PPP1R9A: variants seen among roughly 807,000 people sequenced by gnomAD.
The protein encoded by PPP1R9A is neurabin-1.
Under a neutral mutation model 141.9 loss-of-function variants are expected in PPP1R9A, and 59 were observed. The observed-to-expected ratio is 0.42, with a 90% CI of 0.34 to 0.52. The LOEUF (loss-of-function observed/expected upper bound fraction) is 0.52, where lower values mean the gene tolerates loss of function less well. Among genes scored for constraint, PPP1R9A ranks in the 20% least tolerant of loss-of-function variants. PPP1R9A has a pLI of 0.10. For synonymous variants in PPP1R9A, 500 were observed against 569.7 expected, an observed-to-expected ratio of 0.88 and a Z score of 1.74; for missense variants, 1,444 against 1,611.9, an observed-to-expected ratio of 0.90 and a Z score of 1.78.
At chr7:95,226,826 A>G (rs1032738136) in intron 8 of PPP1R9A, among the ~76,000 whole-genome samples, 2 of 152,194 alleles carry the variant, frequency 1.3e-5, no homozygotes, top group African/African-American at 4.8e-5. Flanking sequence ...AGGGCCAAGA[A>G]TAGAACCTTG....
intron 5 of PPP1R9A, among the ~76,000 whole-genome samples, chr7:95,188,949 G>T (rs888243757): frequency 6.6e-6 from 1 of 151,992 alleles, no homozygotes; most frequent in Non-Finnish European, 1.5e-5. Context: ...TGCATTTCAA[G>T]GGTTTGTTTC....
chr7:94,925,189 C>G (rs1223380853), intron 2 of PPP1R9A, among the ~76,000 whole-genome samples: 1 of 152,074 alleles, frequency 6.6e-6, no homozygotes, highest in East Asian at 1.9e-4. Flanking sequence ...AGTATAAAAG[C>G]CTTTTGCTGG....
chr7:95,109,524 A>G (rs1414227666), intron 2 of PPP1R9A, among the ~76,000 whole-genome samples: 1 of 152,198 alleles, frequency 6.6e-6, no homozygotes, highest in Non-Finnish European at 1.5e-5. Flanking sequence ...TGTCTAAGAG[A>G]AAGTTGTAAG....
intron 2 of PPP1R9A, among the ~76,000 whole-genome samples, chr7:95,086,816 A>T (rs981500156): frequency 2.6e-5 from 4 of 152,062 alleles, no homozygotes; most frequent in Admixed American, 1.3e-4. Context: ...GATAGTGAAC[A>T]TAACTTATAA....
rs181275786 is a variant in PPP1R9A at position 94,956,828 on chromosome 7, T to G, written c.1395+45320T>G. Among the ~76,000 whole-genome samples the G allele has an allele frequency of 3.0e-3, 462 of 152,254 alleles. 4 individuals are homozygous for G. Among genetic ancestry groups the G allele is most frequent in the Non-Finnish European group, 3.2e-3 (218 of 68,004 alleles). ...CCATAGTGCATAGTCAGTCTTCCAT[T>G]AATGTTTTGAATAGAAATCAACCAG... On this transcript the variant is annotated intron_variant, in intron 2 of 19. Transcript: ENST00000433360.
intron 2 of PPP1R9A, among the ~76,000 whole-genome samples, chr7:95,088,449 G>A (rs1028937801): frequency 2.6e-5 from 4 of 151,866 alleles, no homozygotes; most frequent in African/African-American, 9.7e-5. Context: ...CATGGCACTG[G>A]GAAAACCACC....
chr7:95,086,021 A>T lies in PPP1R9A; in HGVS notation c.1396-25238A>T, dbSNP rs1028897615. ...TTTAATGTGTTTTTTTTCTTTTTTT[A>T]AATTTATTTTATTTTATGTAAGTAA... On this transcript the variant is annotated intron_variant, in intron 2 of 19. Transcript: ENST00000433360. Among the ~76,000 whole-genome samples the T allele has an allele frequency of 1.1e-4, 17 of 151,346 alleles. 1 individual carries two copies. The highest frequency in any genetic ancestry group is 2.1e-4 in the Non-Finnish European group (14 of 67,876).
At chr7:94,908,751 A>G (rs1791109094) in intron 1 of PPP1R9A, among the ~76,000 whole-genome samples, 1 of 152,056 alleles carries the variant, frequency 6.6e-6, no homozygotes, top group Admixed American at 6.5e-5. Context: ...CTTTAAAAAG[A>G]ATGGTCAGGG....
At chr7:94,967,281 T>G (rs1798325361) in intron 2 of PPP1R9A, among the ~76,000 whole-genome samples, 1 of 151,916 alleles carries the variant, frequency 6.6e-6, no homozygotes, top group Non-Finnish European at 1.5e-5. Flanking sequence ...ATTCATTGAT[T>G]TTTTTTTGAA....
At chr7:95,001,167 G>A (rs1802864513) in intron 2 of PPP1R9A, among the ~76,000 whole-genome samples, 1 of 152,124 alleles carries the variant, frequency 6.6e-6, no homozygotes, top group African/African-American at 2.4e-5. Context: ...GACCTGTATT[G>A]TTTGGATTTG....
At chr7:95,004,644 T>A (rs1345745930) in intron 2 of PPP1R9A, among the ~76,000 whole-genome samples, 1 of 152,212 alleles carries the variant, frequency 6.6e-6, no homozygotes, top group African/African-American at 2.4e-5. Context: ...AGAGTACTCA[T>A]GCATAGAATA....
At chr7:94,988,783 ATATACT>A (rs760448434) in intron 2 of PPP1R9A, among the ~76,000 whole-genome samples, 160 of 152,196 alleles carry the variant, frequency 1.1e-3, no homozygotes, top group African/African-American at 3.3e-3. Flanking sequence ...ATACATATAC[ATATACT>A]TATACTGTTT....
chr7:95,212,518 G>A (rs1292343004), intron 7 of PPP1R9A, among the ~76,000 whole-genome samples: 1 of 152,092 alleles, frequency 6.6e-6, no homozygotes, highest in Non-Finnish European at 1.5e-5. Flanking sequence ...TTATTTGTAT[G>A]AGCCCTACAG....
At chr7:94,916,944 A>T (rs994496796) in intron 2 of PPP1R9A, among the ~76,000 whole-genome samples, 1 of 152,074 alleles carries the variant, frequency 6.6e-6, no homozygotes, top group African/African-American at 2.4e-5. Context: ...CCCTCTGAGT[A>T]GCTGGGACAA....
intron 4 of PPP1R9A, among the ~76,000 whole-genome samples, chr7:95,125,326 GT>G (rs1460195728): frequency 6.6e-6 from 1 of 151,950 alleles, no homozygotes; most frequent in Non-Finnish European, 1.5e-5. Context: ...ATTTTTCTCT[GT>G]TTTGGTTTTG....
intron 2 of PPP1R9A, among the ~76,000 whole-genome samples, chr7:95,108,622 T>C (rs1819999467): frequency 6.6e-6 from 1 of 152,146 alleles, no homozygotes; most frequent in Non-Finnish European, 1.5e-5. Context: ...GATTGCTAGA[T>C]GTCTCAAAAA....
Position 95,073,941 on chromosome 7 carries a change from G to T in PPP1R9A, c.1396-37318G>T, listed in dbSNP as rs146539402. On this transcript the variant is annotated intron_variant, in intron 2 of 19. Coordinates refer to ENST00000433360, the MANE Select transcript of PPP1R9A (RefSeq NM_001166160.2). The stretch of plus-strand genomic sequence containing the variant: ...ATGTTCACACTCACACACGCTATTA[G>T]GCAACATGAATTTTCATTTTAAGAT... 2.1e-5 allele frequency among the ~76,000 whole-genome samples: 3 copies of T among 144,960 alleles called. No homozygotes were observed. The East Asian group carries it at 5.8e-4, about 28-fold the overall frequency.
rs544245107 is a variant in PPP1R9A, at chr7:94,985,199, A to G, written c.1395+73691A>G. Among the ~76,000 whole-genome samples, 13 of 152,226 alleles carry G rather than the reference A, an allele frequency of 8.5e-5. 1 individual carries two copies. The South Asian group carries it at 2.7e-3, about 32-fold the overall frequency. On this transcript the variant is annotated intron_variant, in intron 2 of 19. Coordinates refer to ENST00000433360, the MANE Select transcript of PPP1R9A (RefSeq NM_001166160.2). ...TTGATTGCACTGTGGTCTGAGAGAC[A>G]GTTTATTATTTCTGTTCTTTTACAT...
intron 2 of PPP1R9A, among the ~76,000 whole-genome samples, chr7:94,998,500 C>T (rs1380632855): frequency 6.6e-6 from 1 of 152,032 alleles, no homozygotes; most frequent in African/African-American, 2.4e-5. Flanking sequence ...TCTTAGTCAG[C>T]TTGATTTTTT....
Sources: allele counts gnomAD v4.1 joint callset (sites outside exome capture counted in the v4.1 genomes callset), GRCh38; gene constraint gnomAD v4.1.1; transcripts MANE v1.5; gene names NCBI Gene and HGNC (gene_info 2026-07-23, HGNC 2026-07-21).